Variants in TENM4 observed in about 807,000 individuals in gnomAD.
The protein encoded by TENM4 is teneurin transmembrane protein 4, also known as teneurin-4.
In TENM4, 82 loss-of-function variants were observed where a neutral mutation model predicts 243.3. That is an observed-to-expected ratio of 0.34 (90% CI 0.28 to 0.40). The LOEUF is 0.40. Ranked by LOEUF, TENM4 falls within the 10% of genes least tolerant of loss-of-function variation. The probability of loss-of-function intolerance (pLI) is 1.00; values close to 1 mark genes in which losing one functional copy is unlikely to be tolerated. For missense variants in TENM4, 3,138 were observed against 3,673.3 expected (o/e 0.85, Z 3.77); for synonymous variants, 1,412 against 1,456.3 (o/e 0.97, Z 0.69).
intron 28 of TENM4, 73 bp downstream of exon 28, chr11:78,701,453 C>A: frequency 6.9e-7 from 1 of 1,459,146 alleles, no homozygotes; most frequent in Non-Finnish European, 9.1e-7. Context: ...ATAAAATACT[C>A]GATCAATTTA....
At position 79,081,358 on chromosome 11, in the gene TENM4, G is replaced by A. The variant is rs116769249; in HGVS notation, c.-65-11349C>T. ...CGGGTGCCATCAAGATACCTTGTGTGCACAATAGCTTCTTGTCTTATAAAA... is the reference window on the plus strand; with the variant it reads ...CGGGTGCCATCAAGATACCTTGTGTACACAATAGCTTCTTGTCTTATAAAA... On this transcript the variant is annotated intron_variant, in intron 4 of 33. Coordinates refer to ENST00000278550, the MANE Select transcript of TENM4 (RefSeq NM_001098816.3). 4.7e-3 allele frequency among the ~76,000 whole-genome samples: 716 copies of A among 152,312 alleles called. 5 individuals carry two copies. The highest frequency in any genetic ancestry group is 0.017 in the African/African-American group (686 of 41,566).
At chr11:79,103,886 C>T (rs779520871) in intron 4 of TENM4, among the ~76,000 whole-genome samples, 8 of 152,076 alleles carry the variant, frequency 5.3e-5, no homozygotes, top group Non-Finnish European at 1.0e-4. Context: ...CAGATGGGTC[C>T]TATGGTTTTT....
At chr11:79,320,016 T>C (rs779635859) in intron 1 of TENM4, among the ~76,000 whole-genome samples, 12 of 152,190 alleles carry the variant, frequency 7.9e-5, no homozygotes, top group South Asian at 2.1e-4. Context: ...ACCTACCTTC[T>C]ACTGCAGTGG....
intron 1 of TENM4, among the ~76,000 whole-genome samples, chr11:79,360,526 C>T (rs1196542126): frequency 1.3e-5 from 2 of 152,188 alleles, no homozygotes; most frequent in Non-Finnish European, 2.9e-5. Flanking sequence ...GCTGCACCAA[C>T]CATATTCCTT....
chr11:79,207,964 C>T (rs1056455774), intron 3 of TENM4, among the ~76,000 whole-genome samples: 1 of 151,716 alleles, frequency 6.6e-6, no homozygotes, highest in Non-Finnish European at 1.5e-5. Flanking sequence ...CGGGAAGCCA[C>T]TGAAAATCAC....
At chr11:79,322,223 A>G (rs1590878539) in intron 1 of TENM4, among the ~76,000 whole-genome samples, 1 of 151,762 alleles carries the variant, frequency 6.6e-6, no homozygotes, top group Non-Finnish European at 1.5e-5. Flanking sequence ...TTCAAGTGAC[A>G]CCTGACTCAG....
rs7928292 is a variant in TENM4 at position 79,129,496 on chromosome 11, G to A, written c.-66+19214C>T. Among the ~76,000 whole-genome samples, 816 of 152,184 alleles carry A rather than the reference G, an allele frequency of 5.4e-3. 5 individuals carry two copies. The highest frequency in any genetic ancestry group is 0.016 in the African/African-American group (644 of 41,526). On this transcript the variant is annotated intron_variant, in intron 4 of 33. Transcript: ENST00000278550. Reference sequence around the variant, plus strand: ...TGGGGCAAGTTTTCAAGCCCAGCTCGCCCACCACCTGGAAACAGACTCGGT... The same window carrying A: ...TGGGGCAAGTTTTCAAGCCCAGCTCACCCACCACCTGGAAACAGACTCGGT...
At chr11:79,348,008 G>A (rs549207417) in intron 1 of TENM4, among the ~76,000 whole-genome samples, 4 of 151,646 alleles carry the variant, frequency 2.6e-5, no homozygotes, top group South Asian at 2.1e-4. Context: ...CTCGATCTCC[G>A]GACCTCATGA....
In TENM4 at chr11:79,438,931, C is replaced by G. The variant is rs1159453835; in HGVS notation, c.-321+1578G>C. The G allele has an allele frequency of 1.3e-5, 2 of 152,132 alleles. No individual in the cohort carries two copies. The highest frequency in any genetic ancestry group is 6.5e-5 in the Admixed American group (1 of 15,282). 9.4% of individuals were successfully genotyped at this position (152,132 alleles called of 1,614,324 possible). ...TGGTGCGAGGCGTATCCTAGCTACCCAGGCCGGGGTGGGGGCGCCCCGGTA... is the reference window on the plus strand; with the variant it reads ...TGGTGCGAGGCGTATCCTAGCTACCGAGGCCGGGGTGGGGGCGCCCCGGTA... On this transcript the variant is annotated intron_variant, in intron 1 of 33. Coordinates refer to ENST00000278550, the MANE Select transcript of TENM4 (RefSeq NM_001098816.3). This position sits in a 1 kb window ranked among gnomAD's most constrained non-coding sequence, Gnocchi z 4.1.
At position 79,362,808 on chromosome 11, in the gene TENM4, G is replaced by A. The variant is rs529370251; in HGVS notation, c.-320-65265C>T. The stretch of plus-strand genomic sequence containing the variant: ...GATAGTCTACCATGGGAGTGTTGGA[G>A]GATTAAATGAAATTAACATAGACAA... On this transcript the variant is annotated intron_variant, in intron 1 of 33. Transcript: ENST00000278550. 3.3e-5 allele frequency among the ~76,000 whole-genome samples: 5 copies of A among 152,320 alleles called. No homozygotes were observed. In the East Asian group the frequency reaches 9.7e-4, roughly 29 times the overall value.
intron 6 of TENM4, among the ~76,000 whole-genome samples, chr11:78,955,481 T>A (rs1857190058): frequency 6.6e-6 from 1 of 152,182 alleles, no homozygotes; most frequent in South Asian, 2.1e-4. Context: ...CTAGGCTTAG[T>A]TTCCAGATGG....
chr11:79,325,949 C>CA (rs1856968340), intron 1 of TENM4, among the ~76,000 whole-genome samples: 1 of 152,164 alleles, frequency 6.6e-6, no homozygotes, highest in Non-Finnish European at 1.5e-5. Context: ...AATTAGGAAC[C>CA]AAAATCACTT....
At chr11:78,937,642 C>A (rs1856813546) in intron 6 of TENM4, among the ~76,000 whole-genome samples, 1 of 152,174 alleles carries the variant, frequency 6.6e-6, no homozygotes, top group African/African-American at 2.4e-5. Context: ...CTAGGCCCAA[C>A]AGAGCAAACC....
chr11:79,304,101 T>C (rs1348397660), intron 1 of TENM4, among the ~76,000 whole-genome samples: 1 of 152,182 alleles, frequency 6.6e-6, no homozygotes, highest in Non-Finnish European at 1.5e-5. Context: ...CCAGGAGGGC[T>C]GAGGCTTCCA....
chr11:78,948,288 C>G (rs916036167), intron 6 of TENM4, among the ~76,000 whole-genome samples: 1 of 152,126 alleles, frequency 6.6e-6, no homozygotes, highest in Non-Finnish European at 1.5e-5. Flanking sequence ...ATCATCTAAC[C>G]ACAATATGAC....
intron 6 of TENM4, among the ~76,000 whole-genome samples, chr11:79,052,047 T>C (rs117692516): frequency 8.2e-4 from 125 of 152,346 alleles, no homozygotes; most frequent in East Asian, 7.1e-3. Flanking sequence ...GTTGATTCCA[T>C]GTTTTTGCTA....
At chr11:79,337,021 G>A (rs555821744) in intron 1 of TENM4, among the ~76,000 whole-genome samples, 2 of 152,346 alleles carry the variant, frequency 1.3e-5, no homozygotes, top group South Asian at 2.1e-4. Flanking sequence ...TGCAATAGCC[G>A]AGGGGACAAG....
chr11:78,669,226 T>G lies in TENM4; in HGVS notation c.7119A>C (p.Thr2373=). The change falls in exon 32 of 34, where the codon ACA becomes ACC. Residue 2373 remains threonine, a synonymous_variant. Transcript: ENST00000278550. The surrounding 1 kb of genome is among the most constrained non-coding windows in gnomAD (Gnocchi z 6.4). Reference sequence around the variant, plus strand: ...ACAGGATTTGCTTGATCATCAAACCTGTTCCACTAAAGACAGCAAGAGGGG... The same window carrying G: ...ACAGGATTTGCTTGATCATCAAACCGGTTCCACTAAAGACAGCAAGAGGGG... ...IGTPLAVFSG[T]GLMIKQILYT... The G allele has an allele frequency of 6.2e-7, 1 of 1,613,976 alleles. No homozygotes were observed.
chr11:79,161,560 T>A (rs1389050137), intron 3 of TENM4, among the ~76,000 whole-genome samples: 1 of 152,078 alleles, frequency 6.6e-6, no homozygotes, highest in Non-Finnish European at 1.5e-5. Flanking sequence ...GTGATGTGTG[T>A]CCCCAGGCCA....
Sources: allele counts gnomAD v4.1 joint callset (sites outside exome capture counted in the v4.1 genomes callset), GRCh38; gene constraint gnomAD v4.1.1; non-coding constraint Gnocchi (gnomAD v3.1); transcripts MANE v1.5; gene names NCBI Gene and HGNC (gene_info 2026-07-23, HGNC 2026-07-21).